ASIC2: variants seen among roughly 807,000 people sequenced by gnomAD.
ASIC2 encodes the protein acid-sensing ion channel 2.
Under a neutral mutation model 57.3 loss-of-function variants are expected in ASIC2, and 25 were observed. The ratio of observed to expected loss-of-function variants is 0.44; its 90% CI spans 0.32 to 0.61. ASIC2 has a LOEUF of 0.61. ASIC2 is among the 20% of genes least tolerant of loss of function. ASIC2 has a pLI of 0.06. For synonymous variants in ASIC2, 319 were observed against 307.5 expected, an observed-to-expected ratio of 1.04 and a Z score of -0.39; for missense variants, 641 against 738.1, an observed-to-expected ratio of 0.87 and a Z score of 1.52.
At chr17:34,039,788 G>GTCCCTTAC in intron 1 of ASIC2, 2 of 1,611,006 alleles carry the variant, frequency 1.2e-6, no homozygotes, top group Admixed American at 3.3e-5. Context: ...CTATTAAGTG[G>GTCCCTTAC]TCCCTTACTA....
At chr17:33,850,829 T>C (rs1047022959) in intron 1 of ASIC2, among the ~76,000 whole-genome samples, 3 of 151,932 alleles carry the variant, frequency 2.0e-5, no homozygotes, top group Non-Finnish European at 4.4e-5. Context: ...TTCCTGGCAT[T>C]TGGGGCTTGC....
chr17:33,807,929 T>C (rs931811241), intron 1 of ASIC2, among the ~76,000 whole-genome samples: 3 of 152,280 alleles, frequency 2.0e-5, no homozygotes, highest in Admixed American at 6.5e-5. Context: ...ATATTTTGGA[T>C]AACAGTCCTT....
intron 1 of ASIC2, among the ~76,000 whole-genome samples, chr17:34,022,166 T>C (rs1907188447): frequency 6.6e-6 from 1 of 152,192 alleles, no homozygotes; most frequent in Non-Finnish European, 1.5e-5. Context: ...TAAGCACCAC[T>C]TCCCTGGGGC....
chr17:33,576,803 A>T (rs548464574), intron 1 of ASIC2, among the ~76,000 whole-genome samples: 5 of 152,312 alleles, frequency 3.3e-5, no homozygotes, highest in Admixed American at 3.3e-4. Flanking sequence ...TGAGTCTCAC[A>T]GACCTGAACC....
At chr17:33,495,189 A>G (rs1215347105) in intron 1 of ASIC2, among the ~76,000 whole-genome samples, 1 of 152,096 alleles carries the variant, frequency 6.6e-6, no homozygotes, top group East Asian at 1.9e-4. Context: ...GCCTCCTTAA[A>G]TTTTGTGCCC....
At chr17:34,058,690 A>G (rs924459534) in intron 1 of ASIC2, among the ~76,000 whole-genome samples, 2 of 110,108 alleles carry the variant, frequency 1.8e-5, no homozygotes, top group Admixed American at 1.7e-4. Flanking sequence ...AGGGAACAGA[A>G]ATGTGGATCC....
intron 1 of ASIC2, among the ~76,000 whole-genome samples, chr17:33,501,281 G>A (rs550207905): frequency 4.6e-4 from 70 of 152,348 alleles, no homozygotes; most frequent in Middle Eastern, 3.4e-3. Context: ...TTGTATGCAC[G>A]TCTTGTTAGC....
At chr17:33,561,779 T>C (rs368993219) in intron 1 of ASIC2, among the ~76,000 whole-genome samples, 2 of 152,190 alleles carry the variant, frequency 1.3e-5, no homozygotes, top group African/African-American at 4.8e-5. Flanking sequence ...CCAGCGGGAA[T>C]TGCTGGTTTC....
At chr17:33,196,314 TGAC>T (rs894562179) in intron 1 of ASIC2, among the ~76,000 whole-genome samples, 18 of 143,250 alleles carry the variant, frequency 1.3e-4, no homozygotes, top group African/African-American at 5.3e-4. Flanking sequence ...ACGATGATGA[TGAC>T]GATGATGATG....
intron 1 of ASIC2, among the ~76,000 whole-genome samples, chr17:34,087,018 T>G (rs1428016744): frequency 6.6e-6 from 1 of 152,202 alleles, no homozygotes; most frequent in East Asian, 1.9e-4. Flanking sequence ...GTCTTTTAAT[T>G]GGAGCATTTA....
In ASIC2 at chr17:33,292,299, C is replaced by T. The variant is rs1905519644; in HGVS notation, c.-184G>A. The T allele has an allele frequency of 4.1e-6, 4 of 986,724 alleles. No homozygotes were observed. Among genetic ancestry groups the T allele is most frequent in the Non-Finnish European group, 4.8e-6 (4 of 831,816 alleles). 61.1% of individuals were successfully genotyped at this position (986,724 alleles called of 1,614,324 possible). On this transcript the variant is annotated 5_prime_UTR_variant, in exon 1 of 10. Transcript: ENST00000225823. ...CGCCCGGCGCCGCCGCTGCCGCCTC[C>T]GCGGGCGCCCGCCCGGGGCTGAGCG...
intron 1 of ASIC2, among the ~76,000 whole-genome samples, chr17:33,613,659 G>A (rs111374997): frequency 3.9e-5 from 6 of 152,202 alleles, no homozygotes; most frequent in African/African-American, 9.6e-5. Context: ...GAGCCACCGC[G>A]CCTGGCCCAC....
intron 1 of ASIC2, among the ~76,000 whole-genome samples, chr17:33,801,625 A>G (rs1031176440): frequency 6.6e-6 from 1 of 152,222 alleles, no homozygotes; most frequent in Non-Finnish European, 1.5e-5. Context: ...TAAGGATGAA[A>G]GGAAATAATA....
chr17:33,535,922 C>T lies in ASIC2; in HGVS notation c.556-423855G>A, dbSNP rs140426890. On this transcript the variant is annotated intron_variant, in intron 1 of 9. Coordinates refer to the ASIC2 transcript ENST00000359872. ...GACATCAACTTAAATTGGACTAAGT[C>T]GTTGAGATTTCAGGAGGTATTTGAT... 7.2e-5 allele frequency among the ~76,000 whole-genome samples: 11 copies of T among 152,262 alleles called. No homozygotes were observed. The East Asian group carries it at 1.4e-3, about 19-fold the overall frequency.
rs540921984 is a variant in ASIC2 at position 33,680,960 on chromosome 17, C to T, written c.555+475018G>A. 2.0e-5 allele frequency: 3 copies of T among 152,332 alleles called. No homozygotes were observed. In the South Asian group the frequency reaches 6.2e-4, roughly 32 times the overall value. The allele number at this position is 152,332 out of a possible 1,614,324, so 9.4% of individuals were successfully genotyped here. On this transcript the variant is annotated intron_variant, in intron 1 of 9. Coordinates refer to the ASIC2 transcript ENST00000359872. ...CTCACAAAACTGGATTGGCCCCTGC[C>T]ATCTATAAGGAAAAAGGCAACTGGT...
chr17:33,919,450 A>G (rs1463786210), intron 1 of ASIC2, among the ~76,000 whole-genome samples: 1 of 152,258 alleles, frequency 6.6e-6, no homozygotes, highest in African/African-American at 2.4e-5. Flanking sequence ...GTGCTGGGAT[A>G]ACTGTCTAGC....
Position 33,224,680 on chromosome 17 carries a change from C to T in ASIC2, c.708+66728G>A, listed in dbSNP as rs137966885. ...TTCAATGAGGCAAGGAGAAAATGGA[C>T]GCACACCTTGTTCCATTTAATCCTC... is the stretch of plus-strand genomic sequence containing the variant. On this transcript the variant is annotated intron_variant, in intron 1 of 9. Coordinates refer to ENST00000225823, the MANE Select transcript of ASIC2 (RefSeq NM_183377.2). Among the ~76,000 whole-genome samples, 635 of 152,276 alleles carry T rather than the reference C, an allele frequency of 4.2e-3. 2 individuals carry two copies. The highest frequency in any genetic ancestry group is 6.7e-3 in the Non-Finnish European group (458 of 68,014).
At chr17:34,102,432 T>A (rs1910900967) in intron 1 of ASIC2, among the ~76,000 whole-genome samples, 1 of 152,128 alleles carries the variant, frequency 6.6e-6, no homozygotes, top group Admixed American at 6.6e-5. Context: ...AACACTCATA[T>A]CTACAGAAAA....
chr17:33,536,186 C>T (rs1290237564), intron 1 of ASIC2, among the ~76,000 whole-genome samples: 1 of 152,060 alleles, frequency 6.6e-6, no homozygotes, highest in East Asian at 1.9e-4. Context: ...CAAAATTGAC[C>T]ACTCCCTTCA....
Sources: gnomAD v4.1 joint callset for allele counts (sites outside exome capture counted in the v4.1 genomes callset) on GRCh38, gnomAD v4.1.1 for gene constraint, MANE v1.5 for transcripts, NCBI Gene and HGNC (gene_info 2026-07-23, HGNC 2026-07-21) for gene names.